Variants in GUCY1A2 observed in about 807,000 individuals in gnomAD.
GUCY1A2 encodes guanylate cyclase 1 soluble subunit alpha 2, also known as guanylate cyclase soluble subunit alpha-2.
Under a neutral mutation model 63.5 loss-of-function variants are expected in GUCY1A2, and 27 were observed. The ratio of observed to expected loss-of-function variants is 0.43; its 90% confidence interval spans 0.31 to 0.59. The LOEUF (loss-of-function observed/expected upper bound fraction) is 0.59, where lower values mean the gene tolerates loss of function less well. Among genes scored for constraint, GUCY1A2 ranks in the 20% least tolerant of loss-of-function variants. The pLI, the probability that GUCY1A2 is intolerant of heterozygous loss-of-function variation, is 0.11. For missense variants in GUCY1A2, 768 were observed against 913.3 expected, an observed-to-expected ratio of 0.84 and a Z score of 2.05; for synonymous variants, 364 against 343.5, an observed-to-expected ratio of 1.06 and a Z score of -0.66.
intron 4 of GUCY1A2, among the ~76,000 whole-genome samples, chr11:106,904,748 C>G (rs1021429294): frequency 5.3e-5 from 8 of 151,490 alleles, no homozygotes; most frequent in African/African-American, 1.9e-4. Context: ...TTAATATATT[C>G]AATCTGAGAG....
At chr11:106,719,995 A>G (rs1863286319) in intron 6 of GUCY1A2, among the ~76,000 whole-genome samples, 1 of 152,212 alleles carries the variant, frequency 6.6e-6, no homozygotes, top group Non-Finnish European at 1.5e-5. Context: ...CAATTAGGAA[A>G]CACAATATTC....
chr11:106,884,150 C>A (rs914090178), intron 4 of GUCY1A2, among the ~76,000 whole-genome samples: 5 of 151,914 alleles, frequency 3.3e-5, no homozygotes, highest in Admixed American at 2.0e-4. Flanking sequence ...CCTGCACGTT[C>A]TGCACATGTA....
chr11:106,901,030 T>C (rs1860125703), intron 4 of GUCY1A2, among the ~76,000 whole-genome samples: 2 of 152,210 alleles, frequency 1.3e-5, no homozygotes, highest in Admixed American at 1.3e-4. Flanking sequence ...CTCTCTAACA[T>C]GCAATGATAT....
At chr11:106,901,610 A>G (rs1039909219) in intron 4 of GUCY1A2, among the ~76,000 whole-genome samples, 1 of 151,872 alleles carries the variant, frequency 6.6e-6, no homozygotes, top group African/African-American at 2.4e-5. Flanking sequence ...CGTCATTTAC[A>G]TTAGGTATAT....
chr11:106,871,528 T>C (rs1769280978), intron 4 of GUCY1A2, among the ~76,000 whole-genome samples: 2 of 152,140 alleles, frequency 1.3e-5, no homozygotes, highest in South Asian at 4.1e-4. Flanking sequence ...TCTGCCACCA[T>C]GGTCACAAGG....
At chr11:106,974,603 C>T (rs980940451) in intron 3 of GUCY1A2, among the ~76,000 whole-genome samples, 2 of 152,022 alleles carry the variant, frequency 1.3e-5, no homozygotes, top group Non-Finnish European at 2.9e-5. Flanking sequence ...TTCAGGATCC[C>T]TGATACTAAG....
rs1219096688 is a variant in GUCY1A2, at chr11:106,683,791, C to T, written c.*3758G>A. 4.6e-6 allele frequency: 1 copy of T among 215,868 alleles called. No homozygotes were observed. The highest frequency in any genetic ancestry group is 9.3e-6 in the Non-Finnish European group (1 of 107,136). 13.4% of individuals were successfully genotyped at this position (215,868 alleles called of 1,614,324 possible). A position where few individuals can be genotyped will look rare whatever the true frequency, so the allele number is the denominator to read the frequency against. ...ACACCTGCTCTCAGAAAGTCAGGGA[C>T]CCAAGGAGCCTTCAACAAATATATT... On this transcript the variant is annotated 3_prime_UTR_variant, in exon 8 of 8. Coordinates refer to ENST00000526355, the MANE Select transcript of GUCY1A2 (RefSeq NM_000855.3).
chr11:106,732,823 C>A (rs1303934582), intron 6 of GUCY1A2, among the ~76,000 whole-genome samples: 4 of 152,042 alleles, frequency 2.6e-5, no homozygotes. Flanking sequence ...TTAATGGAAG[C>A]TGAATGATAA....
At chr11:106,700,034 C>T (rs1276114650) in intron 7 of GUCY1A2, among the ~76,000 whole-genome samples, 2 of 152,038 alleles carry the variant, frequency 1.3e-5, no homozygotes, top group Non-Finnish European at 2.9e-5. Flanking sequence ...CCGCCCGCCT[C>T]GGCCTCCCAG....
At chr11:106,913,986 C>CAAAAAAAAAAAAAAAAAAAAGA (rs11325847) in intron 4 of GUCY1A2, among the ~76,000 whole-genome samples, 1 of 71,244 alleles carries the variant, frequency 1.4e-5, no homozygotes, top group Admixed American at 1.6e-4. Context: ...AATGAAAAAG[C>CAAAAAAAAAAAAAAAAAAAAGA]AAAAAAAAAA....
chr11:106,859,229 T>C (rs913744409), intron 4 of GUCY1A2, among the ~76,000 whole-genome samples: 1 of 152,002 alleles, frequency 6.6e-6, no homozygotes, highest in African/African-American at 2.4e-5. Context: ...GTCAGTGAAC[T>C]GATAACTTTA....
At chr11:106,765,969 G>A (rs970426751) in intron 6 of GUCY1A2, among the ~76,000 whole-genome samples, 2 of 152,126 alleles carry the variant, frequency 1.3e-5, no homozygotes, top group African/African-American at 4.8e-5. Flanking sequence ...CACACAAGGT[G>A]ACAATTTCTG....
chr11:106,903,720 T>C (rs1460181407), intron 4 of GUCY1A2, among the ~76,000 whole-genome samples: 1 of 152,142 alleles, frequency 6.6e-6, no homozygotes, highest in African/African-American at 2.4e-5. Context: ...TGATAGAAAG[T>C]GATAAAGACA....
chr11:106,789,658 C>G (rs1449624328), intron 5 of GUCY1A2, among the ~76,000 whole-genome samples: 1 of 152,086 alleles, frequency 6.6e-6, no homozygotes, highest in Admixed American at 6.5e-5. Context: ...TTTGAAAGGG[C>G]CTCGGTGTTG....
intron 4 of GUCY1A2, among the ~76,000 whole-genome samples, chr11:106,836,152 G>T (rs984532916): frequency 6.6e-6 from 1 of 151,890 alleles, no homozygotes; most frequent in Non-Finnish European, 1.5e-5. Context: ...GGAACAACAT[G>T]GGGATTGGGA....
Position 106,708,561 on chromosome 11 carries a change from C to T in GUCY1A2, c.1942G>A (p.Glu648Lys). The change falls in exon 7 of 8, where the codon GAG becomes AAG. Residue 648 changes from glutamate to lysine, a missense_variant. Glu to Lys is a moderately conservative substitution (Grantham distance 56). Coordinates refer to ENST00000526355, the MANE Select transcript of GUCY1A2 (RefSeq NM_000855.3). ...GNNVTLASKF[E>K]SGSHPRRINV... ...ATGCGCCGAGGGTGACTTCCCGACT[C>T]GAATTTGCTTGCCAGTGTGACATTA... is the stretch of plus-strand genomic sequence containing the variant. 1 of 1,612,826 alleles carries T rather than the reference C, an allele frequency of 6.2e-7. No homozygotes were observed. Among genetic ancestry groups the T allele is most frequent in the Non-Finnish European group, 8.5e-7 (1 of 1,179,310 alleles).
intron 4 of GUCY1A2, among the ~76,000 whole-genome samples, chr11:106,889,366 T>C (rs1591315461): frequency 6.6e-6 from 1 of 151,992 alleles, no homozygotes; most frequent in Non-Finnish European, 1.5e-5. Flanking sequence ...TGACAGAAAA[T>C]AAATGACCAC....
rs79049628 is a variant in GUCY1A2, at chr11:106,895,669, C to A, written c.1206+43791G>T. On this transcript the variant is annotated intron_variant, in intron 4 of 7. Transcript: ENST00000526355. ...GTGGAACTGTGAGTTCATTAAACCTCTTTTTCTTTATAAGTTACCCAGTCC... is the reference window on the plus strand; with the variant it reads ...GTGGAACTGTGAGTTCATTAAACCTATTTTTCTTTATAAGTTACCCAGTCC... 5.7e-3 allele frequency among the ~76,000 whole-genome samples: 873 copies of A among 152,252 alleles called. 5 individuals are homozygous for A. Among genetic ancestry groups the A allele is most frequent in the Middle Eastern group, 0.037 (11 of 294 alleles).
intron 4 of GUCY1A2, among the ~76,000 whole-genome samples, chr11:106,814,277 C>A (rs1190811618): frequency 1.3e-5 from 2 of 152,012 alleles, no homozygotes; most frequent in African/African-American, 4.8e-5. Context: ...TCTTTCAGAT[C>A]CCTGCAATGT....
Sources: allele counts gnomAD v4.1 joint callset (sites outside exome capture counted in the v4.1 genomes callset), GRCh38; gene constraint gnomAD v4.1.1; transcripts MANE v1.5; gene names NCBI Gene and HGNC (gene_info 2026-07-23, HGNC 2026-07-21).